FBXO34: variants seen among roughly 807,000 people sequenced by gnomAD.
The protein encoded by FBXO34 is F-box only protein 34.
In FBXO34, 12 loss-of-function variants were observed where a neutral mutation model predicts 24.5. The observed-to-expected ratio is 0.49, with a 90% CI of 0.31 to 0.79. The LOEUF (loss-of-function observed/expected upper bound fraction) is 0.79, where lower values mean the gene tolerates loss of function less well. Among genes scored for constraint, FBXO34 ranks in the 30% least tolerant of loss-of-function variants. The pLI, the probability that FBXO34 is intolerant of heterozygous loss-of-function variation, is 0.04. For synonymous variants in FBXO34, 320 were observed against 311.9 expected, an observed-to-expected ratio of 1.03 and a Z score of -0.27; for missense variants, 823 against 857.7, an observed-to-expected ratio of 0.96 and a Z score of 0.51.
At position 55,299,230 on chromosome 14, in the gene FBXO34, AGAC is replaced by A. The variant is rs1355100173; in HGVS notation, c.-11+27700_-11+27702del. 10 of 856,994 alleles carry A rather than the reference AGAC, an allele frequency of 1.2e-5. No individual in the cohort carries two copies. The African/African-American group carries it at 1.5e-4, about 13-fold the overall frequency. 53.1% of individuals were successfully genotyped at this position (856,994 alleles called of 1,614,324 possible). On this transcript the variant is annotated intron_variant, in intron 1 of 1. Coordinates refer to ENST00000313833, the MANE Select transcript of FBXO34 (RefSeq NM_017943.4). ...CCATCAAAACCTGCCAAGAAGAGGA[AGAC>A]GACGACATGAAGGATTTGGAGAACT...
the FBXO34 span, chr14:55,396,040 C>A: frequency 7.4e-7 from 1 of 1,351,178 alleles, no homozygotes; most frequent in Non-Finnish European, 1.0e-6. Context: ...CTGTGAAGTT[C>A]AAAAATGTAA....
At chr14:55,360,773 G>A (rs1376771320) in intron 3 of FBXO34, among the ~76,000 whole-genome samples, 2 of 151,984 alleles carry the variant, frequency 1.3e-5, no homozygotes, top group South Asian at 2.1e-4. Flanking sequence ...CTAGGCGGGC[G>A]GATCACCTGA....
the FBXO34 span, among the ~76,000 whole-genome samples, chr14:55,380,875 A>ATATTT: frequency 2.0e-3 from 229 of 112,686 alleles, 3 homozygotes; most frequent in African/African-American, 7.7e-3. Flanking sequence ...ATATATATAT[A>ATATTT]TTTTTTTTTT....
At chr14:55,388,766 T>C in the FBXO34 span, among the ~76,000 whole-genome samples, 1 of 152,132 alleles carries the variant, frequency 6.6e-6, no homozygotes, top group Non-Finnish European at 1.5e-5. Context: ...CTAAGTCTGG[T>C]CTAGAGGGTG....
the FBXO34 span, chr14:55,437,033 AAACAGACAGACAAAAACAC>A: frequency 6.2e-7 from 1 of 1,608,516 alleles, no homozygotes; most frequent in Non-Finnish European, 8.5e-7. Context: ...GCAGTTCCCA[AAACAGACAGACAAAAACAC>A]AACAGACAGA....
Position 55,348,931 on chromosome 14 carries a change from T to C in FBXO34, c.-10-1450T>C, listed in dbSNP as rs560785859. On this transcript the variant is annotated intron_variant, in intron 1 of 1. Transcript: ENST00000313833. Reference sequence around the variant, plus strand: ...AATGTGGAGCAAAGGAGGATGAATATACTGAGCTGTCTGAGATGTATGTGT... The same window carrying C: ...AATGTGGAGCAAAGGAGGATGAATACACTGAGCTGTCTGAGATGTATGTGT... Among the ~76,000 whole-genome samples, 5 of 152,220 alleles carry C rather than the reference T, an allele frequency of 3.3e-5. No homozygotes were observed. In the South Asian group the frequency reaches 1.0e-3, roughly 32 times the overall value.
chr14:55,362,474 A>G (rs1467177587), downstream of FBXO34, among the ~76,000 whole-genome samples: 6 of 152,244 alleles, frequency 3.9e-5, no homozygotes, highest in East Asian at 1.2e-3. Flanking sequence ...CAAACCTTCA[A>G]TTTGTAAAAA....
chr14:55,383,203 C>G, the FBXO34 span, among the ~76,000 whole-genome samples: 1 of 152,102 alleles, frequency 6.6e-6, no homozygotes, highest in African/African-American at 2.4e-5. Context: ...TTCACAGGTT[C>G]CATGTCTTGA....
At chr14:55,311,300 A>T (rs1882730992) in intron 1 of FBXO34, among the ~76,000 whole-genome samples, 1 of 152,188 alleles carries the variant, frequency 6.6e-6, no homozygotes, top group Non-Finnish European at 1.5e-5. Flanking sequence ...CTGCCCCATG[A>T]TTGTTACTTC....
intron 1 of FBXO34, among the ~76,000 whole-genome samples, chr14:55,323,132 C>G (rs1220269079): frequency 4.8e-5 from 6 of 125,290 alleles, no homozygotes; most frequent in Admixed American, 1.9e-4. Context: ...TTGCAGTGAC[C>G]TGAGATCACA....
the FBXO34 span, chr14:55,382,309 T>A: frequency 7.6e-6 from 6 of 792,732 alleles, no homozygotes; most frequent in East Asian, 1.1e-4. Flanking sequence ...AAATTTTACA[T>A]TAAATTTTTA....
At chr14:55,338,048 C>CTTCTTTTTTTTTTTTTTTTTT (rs1883846252) in intron 1 of FBXO34, among the ~76,000 whole-genome samples, 1 of 88,266 alleles carries the variant, frequency 1.1e-5, no homozygotes, top group Admixed American at 1.5e-4. Context: ...GTATGTACTT[C>CTTCTTTTTTTTTTTTTTTTTT]TTTTTTTTTT....
the FBXO34 span, among the ~76,000 whole-genome samples, chr14:55,376,166 T>C: frequency 1.3e-5 from 2 of 152,228 alleles, no homozygotes; most frequent in Admixed American, 1.3e-4. Context: ...TCTGTGACCA[T>C]GGCCATGAGT....
At chr14:55,400,179 C>T in the FBXO34 span, among the ~76,000 whole-genome samples, 2 of 152,334 alleles carry the variant, frequency 1.3e-5, no homozygotes, top group South Asian at 2.1e-4. Context: ...CCAGGCTCTG[C>T]AGTCTCCATC....
At chr14:55,306,278 C>G (rs1882541763) in intron 1 of FBXO34, among the ~76,000 whole-genome samples, 1 of 152,142 alleles carries the variant, frequency 6.6e-6, no homozygotes, top group Non-Finnish European at 1.5e-5. Flanking sequence ...GGAATAAAAG[C>G]AGTAGAAACC....
chr14:55,381,093 T>A, the FBXO34 span, among the ~76,000 whole-genome samples: 1 of 151,872 alleles, frequency 6.6e-6, no homozygotes, highest in Admixed American at 6.6e-5. Flanking sequence ...CCCAGGATGC[T>A]CCCCTAGTTC....
chr14:55,285,753 A>C (rs974693373), intron 1 of FBXO34, among the ~76,000 whole-genome samples: 1 of 152,220 alleles, frequency 6.6e-6, no homozygotes, highest in African/African-American at 2.4e-5. Flanking sequence ...AGGTGTTTCA[A>C]GTGTTCCTTT....
intron 1 of FBXO34, among the ~76,000 whole-genome samples, chr14:55,327,916 T>G (rs1883400515): frequency 2.4e-5 from 1 of 42,240 alleles, no homozygotes; most frequent in Non-Finnish European, 5.2e-5. Flanking sequence ...TGGTTTTTTT[T>G]TTTTTTTTTT....
downstream of FBXO34, chr14:55,368,812 G>GA (rs1377655311): frequency 6.6e-6 from 1 of 152,144 alleles, no homozygotes; most frequent in African/African-American, 2.4e-5. Context: ...TTTTCACCCA[G>GA]AAAATATAAG....
Sources: gnomAD v4.1 joint callset for allele counts (sites outside exome capture counted in the v4.1 genomes callset) on GRCh38, gnomAD v4.1.1 for gene constraint, MANE v1.5 for transcripts, NCBI Gene and HGNC (gene_info 2026-07-23, HGNC 2026-07-21) for gene names.